SGCZ: variants seen among roughly 807,000 people sequenced by gnomAD.
SGCZ encodes sarcoglycan zeta.
Under a neutral mutation model 41.3 loss-of-function variants are expected in SGCZ, and 40 were observed. The ratio of observed to expected loss-of-function variants is 0.97; its 90% CI spans 0.75 to 1.26. The LOEUF (loss-of-function observed/expected upper bound fraction) is 1.26. Among genes scored for constraint, SGCZ ranks in the 50% most tolerant of loss-of-function variants. The pLI is 0.00. For synonymous variants in SGCZ, 206 were observed against 137.5 expected (o/e 1.50, Z -3.49); for missense variants, 552 against 369.8 (o/e 1.49, Z -4.04).
At chr8:14,765,644 CTATT>C (rs1326535454) in intron 1 of SGCZ, among the ~76,000 whole-genome samples, 4 of 152,072 alleles carry the variant, frequency 2.6e-5, no homozygotes, top group African/African-American at 9.7e-5. Flanking sequence ...ACACATAAAA[CTATT>C]AAGCAAGAAA....
intron 1 of SGCZ, among the ~76,000 whole-genome samples, chr8:15,201,157 C>A (rs753673886): frequency 6.6e-6 from 1 of 152,166 alleles, no homozygotes; most frequent in East Asian, 1.9e-4. Context: ...GCTGGGACTA[C>A]AGGCCTGTGC....
intron 1 of SGCZ, among the ~76,000 whole-genome samples, chr8:14,725,005 C>G (rs1810005793): frequency 6.6e-6 from 1 of 152,140 alleles, no homozygotes; most frequent in Non-Finnish European, 1.5e-5. Context: ...CATCTCCCCA[C>G]TACATTTCCC....
chr8:14,100,920 G>A (rs1158123999), intron 7 of SGCZ, among the ~76,000 whole-genome samples: 3 of 151,550 alleles, frequency 2.0e-5, no homozygotes, highest in African/African-American at 7.3e-5. Context: ...ATTTAAAAAC[G>A]ATAAATAACA....
chr8:14,114,729 C>T (rs1802473511), intron 5 of SGCZ, among the ~76,000 whole-genome samples: 1 of 151,932 alleles, frequency 6.6e-6, no homozygotes, highest in Non-Finnish European at 1.5e-5. Flanking sequence ...TTGTTTGTTA[C>T]TAATGAAATT....
chr8:14,237,239 T>A (rs923398170), intron 4 of SGCZ, among the ~76,000 whole-genome samples: 1 of 152,140 alleles, frequency 6.6e-6, no homozygotes, highest in Non-Finnish European at 1.5e-5. Flanking sequence ...AATAATACAT[T>A]GGCAAGAGTA....
At chr8:14,257,664 G>T (rs1028835803) in intron 3 of SGCZ, among the ~76,000 whole-genome samples, 4 of 147,124 alleles carry the variant, frequency 2.7e-5, no homozygotes, top group Non-Finnish European at 4.5e-5. Flanking sequence ...CCAGGTGTGT[G>T]ATGTTCCCCT....
intron 1 of SGCZ, among the ~76,000 whole-genome samples, chr8:14,682,626 G>A (rs796658912): frequency 8.5e-5 from 13 of 152,118 alleles, no homozygotes; most frequent in African/African-American, 3.1e-4. Flanking sequence ...AGTAGAGACG[G>A]GATTTCACTG....
intron 2 of SGCZ, among the ~76,000 whole-genome samples, chr8:14,506,014 T>G (rs997163124): frequency 6.6e-6 from 1 of 152,060 alleles, no homozygotes; most frequent in East Asian, 1.9e-4. Flanking sequence ...CATTCTTCTT[T>G]TTTTTTTCAT....
chr8:14,306,376 T>C (rs1801353569), intron 3 of SGCZ, among the ~76,000 whole-genome samples: 1 of 152,218 alleles, frequency 6.6e-6, no homozygotes, highest in East Asian at 1.9e-4. Flanking sequence ...ATTAGGTGCT[T>C]GATTAACTAT....
In SGCZ at chr8:14,728,809, T is replaced by C. The variant is rs1053341698; in HGVS notation, c.40-173883A>G. 1.1e-4 allele frequency among the ~76,000 whole-genome samples: 17 copies of C among 152,256 alleles called. No individual in the cohort carries two copies. In the East Asian group the frequency reaches 1.7e-3, roughly 16 times the overall value. On this transcript the variant is annotated intron_variant, in intron 1 of 7. Transcript: ENST00000382080. ...CACTAGGGGACACAATGAAACAAAG[T>C]TGAATGCGTGTGGTGAGTAGCAAAT...
chr8:14,699,827 C>T (rs1809078597), intron 1 of SGCZ, among the ~76,000 whole-genome samples: 2 of 151,978 alleles, frequency 1.3e-5, no homozygotes, highest in South Asian at 4.2e-4. Flanking sequence ...AGAAGACATA[C>T]ATGCAGCCAA....
In SGCZ at chr8:14,486,588, G is replaced by A. The variant is rs186354885; in HGVS notation, c.234+68144C>T. Among the ~76,000 whole-genome samples the A allele has an allele frequency of 1.4e-4, 21 of 152,304 alleles. No homozygotes were observed. The East Asian group carries it at 1.9e-3, about 14-fold the overall frequency. ...AATGAGTGTGTGTGTGTGCGCGCGC[G>A]TGCGCACGTGTGTCTTTCTCTGCTG... On this transcript the variant is annotated intron_variant, in intron 2 of 7. Transcript: ENST00000382080.
chr8:14,329,422 A>G (rs1196811720), intron 2 of SGCZ, among the ~76,000 whole-genome samples: 1 of 152,170 alleles, frequency 6.6e-6, no homozygotes, highest in East Asian at 1.9e-4. Flanking sequence ...ATATTTTAAA[A>G]AGTAGATTGT....
At chr8:15,097,890 A>ATATATATATACACGTG (rs1563124143) in intron 1 of SGCZ, among the ~76,000 whole-genome samples, 6 of 16,128 alleles carry the variant, frequency 3.7e-4, no homozygotes, top group African/African-American at 9.1e-4. Context: ...ATACGTGTGT[A>ATATATATATACACGTG]TATATATATA....
At chr8:14,678,076 A>T (rs1248948930) in intron 1 of SGCZ, among the ~76,000 whole-genome samples, 4 of 152,208 alleles carry the variant, frequency 2.6e-5, no homozygotes, top group Admixed American at 2.6e-4. Flanking sequence ...TGGAAAACAC[A>T]GAACTGTAAA....
intron 2 of SGCZ, among the ~76,000 whole-genome samples, chr8:14,447,314 T>A (rs914660183): frequency 4.6e-5 from 7 of 152,206 alleles, no homozygotes; most frequent in Non-Finnish European, 7.3e-5. Flanking sequence ...AATGCATGTT[T>A]TTTTATTTAA....
At chr8:15,036,510 T>A (rs1173021710) in intron 1 of SGCZ, among the ~76,000 whole-genome samples, 1 of 152,044 alleles carries the variant, frequency 6.6e-6, no homozygotes, top group Non-Finnish European at 1.5e-5. Flanking sequence ...CCATGATACA[T>A]GTTTACCTAT....
intron 1 of SGCZ, among the ~76,000 whole-genome samples, chr8:15,221,582 A>G (rs1477080257): frequency 2.0e-5 from 3 of 152,090 alleles, no homozygotes. Context: ...CCTTCCTAGG[A>G]TGAATATTTG....
chr8:14,328,622 A>C (rs927978446), intron 2 of SGCZ, among the ~76,000 whole-genome samples: 6 of 152,206 alleles, frequency 3.9e-5, no homozygotes, highest in Admixed American at 3.9e-4. Context: ...ATAAAAACTC[A>C]TGTTATTTTA....
Sources: gnomAD v4.1 joint callset for allele counts (sites outside exome capture counted in the v4.1 genomes callset) on GRCh38, gnomAD v4.1.1 for gene constraint, MANE v1.5 for transcripts, NCBI Gene and HGNC (gene_info 2026-07-23, HGNC 2026-07-21) for gene names.